Variants in TLCD1 observed in about 807,000 individuals in gnomAD.
TLCD1 encodes TLC domain-containing protein 1.
In TLCD1, 21 loss-of-function variants were observed where a neutral mutation model predicts 21.2. The ratio of observed to expected loss-of-function variants is 0.99; its 90% CI spans 0.70 to 1.42. The LOEUF (loss-of-function observed/expected upper bound fraction) is 1.42, where lower values mean the gene tolerates loss of function less well. Among genes scored for constraint, TLCD1 ranks in the 40% most tolerant of loss-of-function variants. The probability of loss-of-function intolerance (pLI) is 0.00; values close to 1 mark genes in which losing one functional copy is unlikely to be tolerated. For missense variants in TLCD1, 344 were observed against 330.3 expected (o/e 1.04, Z -0.32); for synonymous variants, 168 against 134.8 (o/e 1.25, Z -1.71).
upstream of TLCD1, chr17:28,726,636 G>T: frequency 1.1e-6 from 1 of 941,834 alleles, no homozygotes; most frequent in Non-Finnish European, 1.6e-6. Context: ...ACACGCCCAC[G>T]CCCCCTAAGT....
chr17:28,726,129 C>A lies in TLCD1; in HGVS notation c.-32G>T. On this transcript the variant is annotated 5_prime_UTR_variant, in exon 1 of 4. Coordinates refer to ENST00000292090, the MANE Select transcript of TLCD1 (RefSeq NM_138463.4). Reference sequence around the variant, plus strand: ...CCTCCCTGCCGTCCGCCCTCGAGGCCGCCTCCTAGGTCTGTTCTGGGAACC... The same window carrying A: ...CCTCCCTGCCGTCCGCCCTCGAGGCAGCCTCCTAGGTCTGTTCTGGGAACC... The A allele has an allele frequency of 7.0e-7, 1 of 1,421,848 alleles. No individual in the cohort carries two copies. Among genetic ancestry groups the A allele is most frequent in the Non-Finnish European group, 9.1e-7 (1 of 1,100,308 alleles). The allele number at this position is 1,421,848 out of a possible 1,614,324, so 88.1% of individuals were successfully genotyped here.
At chr17:28,725,690 G>C (rs940853827) in intron 1 of TLCD1, 127 bp from the exon 2 acceptor site, 22 of 1,214,490 alleles carry the variant, frequency 1.8e-5, no homozygotes, top group Non-Finnish European at 2.5e-5. Flanking sequence ...GCTAAGAGTG[G>C]CTGGGCAAAA....
At position 28,724,378 on chromosome 17, in the gene TLCD1, A is replaced by C; in HGVS notation, c.*132T>G. On this transcript the variant is annotated 3_prime_UTR_variant, in exon 4 of 4. Transcript: ENST00000292090. Reference sequence around the variant, plus strand: ...AGGAGTACTTTCATTAGTGTTTTCAATAGTGTGGGCGCAGGCTCAGAAGGT... The same window carrying C: ...AGGAGTACTTTCATTAGTGTTTTCACTAGTGTGGGCGCAGGCTCAGAAGGT... 1 of 1,162,572 alleles carries C rather than the reference A, an allele frequency of 8.6e-7. No homozygotes were observed. The highest frequency in any genetic ancestry group is 1.5e-5 in the South Asian group (1 of 67,900). The allele number at this position is 1,162,572 out of a possible 1,614,324, so 72.0% of individuals were successfully genotyped here. A position where few individuals can be genotyped will look rare whatever the true frequency, so the allele number is the denominator to read the frequency against.
At position 28,726,166 on chromosome 17, in the gene TLCD1, C is replaced by A. The variant is rs1229895752; in HGVS notation, c.-69G>T. On this transcript the variant is annotated 5_prime_UTR_variant, in exon 1 of 4. Coordinates refer to ENST00000292090, the MANE Select transcript of TLCD1 (RefSeq NM_138463.4). ...CTGTTCTGGGAACCGGGATCCCTCT[C>A]GGGCCAGTCCAGGCCGGCCGCCTCT... is the stretch of plus-strand genomic sequence containing the variant. 3 of 1,393,250 alleles carry A rather than the reference C, an allele frequency of 2.2e-6. No individual in the cohort carries two copies. The African/African-American group carries it at 4.6e-5, about 21-fold the overall frequency. The allele number at this position is 1,393,250 out of a possible 1,614,324, so 86.3% of individuals were successfully genotyped here.
chr17:28,724,800 T>C lies in TLCD1; in HGVS notation c.454A>G (p.Thr152Ala), dbSNP rs2034185979. The change falls in exon 4 of 4, where the codon ACC becomes GCC. Residue 152 changes from threonine (T) to alanine (A), a missense_variant. By Grantham distance (58) the Thr-to-Ala change is moderately conservative (BLOSUM62 0). Transcript: ENST00000292090. ...CTGATTTTCATCATCATGCGAATGG[T>C]GAGGAAGATGTTGCTGACTTCCACC... ...LLVEVSNIFL[T>A]IRMMMKISNA... 6.2e-7 allele frequency: 1 copy of C among 1,613,910 alleles called. No homozygotes were observed. Among genetic ancestry groups the C allele is most frequent in the Non-Finnish European group, 8.5e-7 (1 of 1,180,024 alleles).
chr17:28,724,713 G>T lies in TLCD1; in HGVS notation c.541C>A (p.Leu181Ile). Reference sequence around the variant, plus strand: ...TAGGCCTGAGGGGCCAGGCGGAAGAGAAAGTACATGACCAGGTTCACATAC... The same window carrying T: ...TAGGCCTGAGGGGCCAGGCGGAAGATAAAGTACATGACCAGGTTCACATAC... ...NKYVNLVMYF[L>I]FRLAPQAYLT... The change falls in exon 4 of 4, where the codon CTC (leucine) becomes ATC (isoleucine). Residue 181 changes from leucine (L) to isoleucine (I), a missense_variant. Leu to Ile is a conservative substitution (Grantham distance 5, BLOSUM62 2). Coordinates refer to ENST00000292090, the MANE Select transcript of TLCD1 (RefSeq NM_138463.4). The T allele has an allele frequency of 1.9e-6, 3 of 1,614,198 alleles. No homozygotes were observed. The highest frequency in any genetic ancestry group is 8.5e-7 in the Non-Finnish European group (1 of 1,180,042).
chr17:28,725,714 A>T, intron 1 of TLCD1, 151 bp from the exon 2 acceptor site: 4 of 1,142,094 alleles, frequency 3.5e-6, no homozygotes, highest in Non-Finnish European at 5.0e-6. Flanking sequence ...AAGAGCCTCC[A>T]GTTTCCCAGG....
chr17:28,725,356 A>G lies in TLCD1; in HGVS notation c.308T>C (p.Val103Ala). 6.2e-7 allele frequency: 1 copy of G among 1,614,154 alleles called. No individual in the cohort carries two copies. Among genetic ancestry groups the G allele is most frequent in the Non-Finnish European group, 8.5e-7 (1 of 1,180,030 alleles). ...AGAGGCTCGCGTCTGTCCGCTAGCC[A>G]CGATGTCCACCGTATCGTGGATGAA... is the stretch of plus-strand genomic sequence containing the variant. ...GYFIHDTVDI[V>A]ASGQTRASWE... Residue 103 changes from valine to alanine, a missense_variant, in exon 3 of 4, where the codon GTG becomes GCG. Transcript: ENST00000292090.
At chr17:28,727,036 C>T (rs1008523686), upstream of TLCD1, 2 of 587,768 alleles carry the variant, frequency 3.4e-6, no homozygotes, top group Admixed American at 5.9e-5. Context: ...CGGGCTCCCC[C>T]TCCCGCCTCC....
chr17:28,727,397 T>C, upstream of TLCD1: 1 of 154,190 alleles, frequency 6.5e-6, no homozygotes, highest in Non-Finnish European at 1.5e-5. Flanking sequence ...TTCCCGCCCC[T>C]CCCCTTGGCT....
chr17:28,725,409 GATC>G (rs2034206539), intron 2 of TLCD1, 23 bp from the exon 3 acceptor site: 1 of 1,613,992 alleles, frequency 6.2e-7, no homozygotes, highest in Non-Finnish European at 8.5e-7. Flanking sequence ...TGGGGCAAGA[GATC>G]ATGAACTGAA....
chr17:28,725,176 A>G (rs2034198017), intron 3 of TLCD1, 128 bp downstream of exon 3: 3 of 1,100,522 alleles, frequency 2.7e-6, no homozygotes, highest in Admixed American at 2.2e-5. Flanking sequence ...GCATCCTAGC[A>G]TAAGAAGTAG....
chr17:28,727,064 TC>T (rs141621000), upstream of TLCD1: 3,705 of 573,868 alleles, frequency 6.5e-3, 114 homozygotes, highest in African/African-American at 0.061. Context: ...GCAGCTGCTT[TC>T]GGGGAGAGTT....
intron 1 of TLCD1, 140 bp from the exon 2 acceptor site, chr17:28,725,703 C>G (rs1162188777): frequency 8.6e-7 from 1 of 1,157,832 alleles, no homozygotes; most frequent in Non-Finnish European, 1.2e-6. Context: ...GGGCAAAACC[C>G]AAGAGCCTCC....
chr17:28,724,535 T>C lies in TLCD1; in HGVS notation c.719A>G (p.His240Arg), dbSNP rs2034177021. 2 of 1,613,980 alleles carry C rather than the reference T, an allele frequency of 1.2e-6. No homozygotes were observed. Among genetic ancestry groups the C allele is most frequent in the Non-Finnish European group, 1.7e-6 (2 of 1,179,978 alleles). Residue 240 changes from histidine to arginine, a missense_variant, in exon 4 of 4, where the codon CAC becomes CGC. His to Arg is a conservative substitution (Grantham distance 29). Transcript: ENST00000292090. ...TCACTCAGTCAAGAACTTGTCTTTG[T>C]GTTGCTTCTTGGGGACATGCTCAGG... Reference protein sequence around the residue: ...FCPEHVPKKQHKDKFLTE With the variant: ...FCPEHVPKKQRKDKFLTE
Position 28,725,316 on chromosome 17 carries a change from G to C in TLCD1, c.348C>G (p.Val116=). 1 of 1,614,108 alleles carries C rather than the reference G, an allele frequency of 6.2e-7. No individual in the cohort carries two copies. Among genetic ancestry groups the C allele is most frequent in the Non-Finnish European group, 8.5e-7 (1 of 1,179,998 alleles). ...GCTTCTCTCTTACCATGACGTGATG[G>C]ACAAGGTATTCCCAAGAGGCTCGCG... is the stretch of plus-strand genomic sequence containing the variant. ...GQTRASWEYL[V]HHVMAMGAFF... Residue 116 remains valine, a synonymous_variant, in exon 3 of 4, where the codon GTC becomes GTG. Transcript: ENST00000292090.
intron 3 of TLCD1, 56 bp downstream of exon 3, chr17:28,725,248 G>T: frequency 6.3e-7 from 1 of 1,578,762 alleles, no homozygotes; most frequent in South Asian, 1.1e-5. Context: ...GAAAGACGGA[G>T]CTGAGACTAG....
upstream of TLCD1, chr17:28,726,950 C>T: frequency 1.3e-6 from 1 of 787,644 alleles, no homozygotes; most frequent in Non-Finnish European, 2.1e-6. Context: ...CTGGAGTGAC[C>T]CGCGCTCTCC....
upstream of TLCD1, chr17:28,726,362 G>A: frequency 1.8e-6 from 1 of 562,118 alleles, no homozygotes; most frequent in Non-Finnish European, 2.2e-6. Context: ...GCTGCCGCGC[G>A]AGCCGGGTGT....
Sources: allele counts gnomAD v4.1 joint callset, GRCh38; gene constraint gnomAD v4.1.1; transcripts MANE v1.5; gene names NCBI Gene and HGNC (gene_info 2026-07-23, HGNC 2026-07-21).